GANC: variants seen among roughly 807,000 people sequenced by gnomAD.
GANC encodes glucosidase alpha, neutral C, also known as neutral alpha-glucosidase C.
Under a neutral mutation model 124.2 loss-of-function variants are expected in GANC, and 117 were observed. That is an observed-to-expected ratio of 0.94 (90% CI 0.81 to 1.10). GANC has a LOEUF of 1.10. Among genes scored for constraint, GANC ranks in the 50% least tolerant of loss-of-function variants. GANC has a pLI of 0.00. For synonymous variants in GANC, 377 were observed against 376.8 expected, an observed-to-expected ratio of 1.00 and a Z score of -0.01; for missense variants, 1,140 against 1,095.0, an observed-to-expected ratio of 1.04 and a Z score of -0.58.
At chr15:42,324,373 T>C (rs1162688506) in intron 11 of GANC, among the ~76,000 whole-genome samples, 1 of 152,172 alleles carries the variant, frequency 6.6e-6, no homozygotes, top group African/African-American at 2.4e-5. Context: ...AACAATATGA[T>C]AGTTCCTCAG....
At chr15:42,291,008 T>C (rs2051835349) in intron 4 of GANC, among the ~76,000 whole-genome samples, 1 of 151,954 alleles carries the variant, frequency 6.6e-6, no homozygotes, top group South Asian at 2.1e-4. Context: ...TGCACGGGGA[T>C]TCCAATTCTC....
chr15:42,307,337 C>CTTTTT (rs11437522), intron 7 of GANC, among the ~76,000 whole-genome samples: 1 of 135,050 alleles, frequency 7.4e-6, no homozygotes, highest in Non-Finnish European at 1.5e-5. Context: ...ATCTTTTTAT[C>CTTTTT]TTTTTTTTTT....
At chr15:42,340,441 T>C (rs1263166032) in intron 17 of GANC, among the ~76,000 whole-genome samples, 2 of 151,928 alleles carry the variant, frequency 1.3e-5, no homozygotes, top group Non-Finnish European at 2.9e-5. Context: ...ACCCTGTCTC[T>C]AAAAATACAA....
At chr15:42,317,049 A>G (rs2052112621) in intron 10 of GANC, among the ~76,000 whole-genome samples, 1 of 152,204 alleles carries the variant, frequency 6.6e-6, no homozygotes, top group South Asian at 2.1e-4. Context: ...TATTATAACT[A>G]TTCTTTATTC....
chr15:42,353,234 C>T lies in GANC; in HGVS notation c.*1095C>T. 1 of 985,948 alleles carries T rather than the reference C, an allele frequency of 1.0e-6. No individual in the cohort carries two copies. The highest frequency in any genetic ancestry group is 1.1e-4 in the East Asian group (1 of 8,816). The allele number at this position is 985,948 out of a possible 1,614,324, so 61.1% of individuals were successfully genotyped here. A position where few individuals can be genotyped will look rare whatever the true frequency, so the allele number is the denominator to read the frequency against. On this transcript the variant is annotated 3_prime_UTR_variant, in exon 24 of 24. Coordinates refer to ENST00000318010, the MANE Select transcript of GANC (RefSeq NM_198141.3). ...TGTTTTAGCAGCCTCGACTCCTCAG[C>T]ACTCCTCAGCACACACCTCTTCTTA...
intron 20 of GANC, among the ~76,000 whole-genome samples, chr15:42,346,388 T>C (rs1566962372): frequency 6.6e-6 from 1 of 152,176 alleles, no homozygotes; most frequent in Non-Finnish European, 1.5e-5. Context: ...GACTGTAAAC[T>C]GGTCCAGGGT....
In GANC at chr15:42,350,690, T is replaced by C. The variant is rs557388490; in HGVS notation, c.2532-639T>C. The stretch of plus-strand genomic sequence containing the variant: ...GCCTCAGCCTCCTGAGTAGCTGGGA[T>C]TACAGATGCCCACCACCATGCCTGG... On this transcript the variant is annotated intron_variant, in intron 22 of 23. Coordinates refer to ENST00000318010, the MANE Select transcript of GANC (RefSeq NM_198141.3). Among the ~76,000 whole-genome samples, 11 of 150,740 alleles carry C rather than the reference T, an allele frequency of 7.3e-5. No individual in the cohort carries two copies. In the East Asian group the frequency reaches 2.2e-3, roughly 30 times the overall value.
chr15:42,311,170 T>C (rs1256734621), intron 10 of GANC, among the ~76,000 whole-genome samples: 1 of 152,250 alleles, frequency 6.6e-6, no homozygotes, highest in Non-Finnish European at 1.5e-5. Context: ...TCCATTAAAA[T>C]ATGCAACTGG....
rs2051698432 is a variant in GANC at position 42,278,494 on chromosome 15, G to C, written c.105G>C (p.Gln35His). 4.3e-6 allele frequency: 7 copies of C among 1,609,658 alleles called. No homozygotes were observed. The highest frequency in any genetic ancestry group is 5.1e-6 in the Non-Finnish European group (6 of 1,177,472). ...TCCGTATCTATAGGCGTCAGAAACA[G>C]TGGCTTTCCAAGAAGTCCACCTATC... ...NKIAFYRRQK[Q>H]WLSKKSTYQA... The change falls in exon 3 of 24, where the codon CAG (glutamine) becomes CAC (histidine). Residue 35 changes from glutamine (Q) to histidine (H), a missense_variant. Coordinates refer to ENST00000318010, the MANE Select transcript of GANC (RefSeq NM_198141.3).
chr15:42,306,634 T>C, intron 7 of GANC, 22 bp downstream of exon 7: 1 of 1,499,204 alleles, frequency 6.7e-7, no homozygotes, highest in Non-Finnish European at 9.2e-7. Context: ...ACTGGTATAG[T>C]ATTAAAACAG....
chr15:42,333,994 A>G (rs181919955), intron 15 of GANC, among the ~76,000 whole-genome samples: 2 of 152,266 alleles, frequency 1.3e-5, no homozygotes, highest in Admixed American at 1.3e-4. Flanking sequence ...TTAATGGAGA[A>G]ATTACAATTT....
Position 42,330,616 on chromosome 15 carries a change from G to A in GANC, c.1685G>A (p.Gly562Glu), listed in dbSNP as rs370945492. ...GAAGGACTGATAAAACGATCTAAAG[G>A]GAAGGAGAGACCCTTTGTTCTTACA... Reference protein sequence around the residue: ...TAEGLIKRSKGKERPFVLTRS... With the variant: ...TAEGLIKRSKEKERPFVLTRS... The change falls in exon 15 of 24, where the codon GGG becomes GAG. Residue 562 changes from glycine (G) to glutamate (E), a missense_variant. Transcript: ENST00000318010. 20 of 1,612,032 alleles carry A rather than the reference G, an allele frequency of 1.2e-5. No homozygotes were observed. The highest frequency in any genetic ancestry group is 5.4e-5 in the African/African-American group (4 of 74,760).
chr15:42,297,581 A>T (rs1370204473), intron 5 of GANC, 30 bp from the exon 6 acceptor site: 1 of 1,592,778 alleles, frequency 6.3e-7, no homozygotes. Context: ...CTTGCCATTG[A>T]GTGAAACAAC....
chr15:42,343,103 C>A lies in GANC; in HGVS notation c.2178C>A (p.Val726=). 4 of 1,613,960 alleles carry A rather than the reference C, an allele frequency of 2.5e-6. No individual in the cohort carries two copies. The highest frequency in any genetic ancestry group is 1.1e-5 in the South Asian group (1 of 91,068). The change falls in exon 19 of 24, where the codon GTC becomes GTA. Residue 726 remains valine (V), a synonymous_variant. Transcript: ENST00000318010. ...GGAGTGCATTATTGGTTCATCCAGT[C>A]ACAGAACCAAAAGCCACCACAGTTG... is the stretch of plus-strand genomic sequence containing the variant. ...MLGSALLVHP[V]TEPKATTVDV...
intron 3 of GANC, among the ~76,000 whole-genome samples, chr15:42,281,810 A>G (rs1409873336): frequency 6.6e-6 from 1 of 152,244 alleles, no homozygotes; most frequent in African/African-American, 2.4e-5. Flanking sequence ...GATAGTAGAA[A>G]ATAATTATTG....
At chr15:42,322,149 A>ATC (rs1285951609) in intron 11 of GANC, 129 bp downstream of exon 11, 120 of 724,524 alleles carry the variant, frequency 1.7e-4, no homozygotes, top group Non-Finnish European at 1.1e-4. Flanking sequence ...AGATTCAAAT[A>ATC]TAATTGTCAC....
At chr15:42,351,221 C>CCT in intron 22 of GANC, 108 bp from the exon 23 acceptor site, 1 of 732,470 alleles carries the variant, frequency 1.4e-6, no homozygotes, top group South Asian at 1.6e-5. Context: ...ATGGATCATG[C>CCT]CTCCAAGGGA....
intron 8 of GANC, among the ~76,000 whole-genome samples, chr15:42,309,975 C>T (rs1178288200): frequency 3.9e-5 from 6 of 152,102 alleles, no homozygotes; most frequent in African/African-American, 1.4e-4. Flanking sequence ...GCCAAGATCG[C>T]ACCACTGCAC....
At chr15:42,318,552 A>G (rs1595776794) in intron 10 of GANC, among the ~76,000 whole-genome samples, 2 of 152,260 alleles carry the variant, frequency 1.3e-5, no homozygotes, top group East Asian at 1.9e-4. Context: ...AATTTCCAGT[A>G]TTCTGAAATT....
Sources: allele counts gnomAD v4.1 joint callset (sites outside exome capture counted in the v4.1 genomes callset), GRCh38; gene constraint gnomAD v4.1.1; transcripts MANE v1.5; gene names NCBI Gene and HGNC (gene_info 2026-07-23, HGNC 2026-07-21).